Variants in CREB3L1 observed in about 807,000 individuals in gnomAD.
CREB3L1 encodes cAMP responsive element binding protein 3 like 1.
In CREB3L1, 33 loss-of-function variants were observed where a neutral mutation model predicts 54.5. That is an observed-to-expected ratio of 0.61 (90% CI 0.46 to 0.81). The LOEUF (loss-of-function observed/expected upper bound fraction) is 0.81. CREB3L1 is among the 30% of genes least tolerant of loss of function. The pLI is 0.00. For missense variants in CREB3L1, 656 were observed against 673.3 expected (o/e 0.97, Z 0.29); for synonymous variants, 284 against 286.4 (o/e 0.99, Z 0.08).
intron 2 of CREB3L1, among the ~76,000 whole-genome samples, chr11:46,306,831 G>A (rs188934044): frequency 2.0e-3 from 306 of 149,490 alleles, no homozygotes; most frequent in Non-Finnish European, 3.5e-3. Context: ...GAGTGCAGTA[G>A]CACAATCTTG....
At chr11:46,287,307 A>T (rs954725525) in intron 1 of CREB3L1, among the ~76,000 whole-genome samples, 6 of 151,424 alleles carry the variant, frequency 4.0e-5, no homozygotes, top group Non-Finnish European at 5.9e-5. Flanking sequence ...TGGTTTTTAA[A>T]TTTTTTTTTG....
chr11:46,305,747 T>TATA (rs1335069272), intron 2 of CREB3L1, among the ~76,000 whole-genome samples: 14 of 122,206 alleles, frequency 1.1e-4, no homozygotes, highest in African/African-American at 2.8e-4. Context: ...TATATATATA[T>TATA]TTTTTTTTAA....
chr11:46,296,221 G>A (rs1939208741), intron 1 of CREB3L1, among the ~76,000 whole-genome samples: 1 of 152,110 alleles, frequency 6.6e-6, no homozygotes, highest in Non-Finnish European at 1.5e-5. Flanking sequence ...GGTGTGGTTG[G>A]GGGTAGAGGG....
In CREB3L1 at chr11:46,278,322, G is replaced by C; in HGVS notation, c.102+109G>C. On this transcript the variant is annotated intron_variant, in intron 1 of 11. Transcript: ENST00000621158. The surrounding 1 kb of genome is among the most constrained non-coding windows in gnomAD (Gnocchi z 4.2). ...CACATCACTGGGCAGGAGCCGGGGA[G>C]AGGGTTCAGCGCAGGGTCTCCAGGA... is the stretch of plus-strand genomic sequence containing the variant. 1.5e-6 allele frequency: 1 copy of C among 648,710 alleles called. No homozygotes were observed. Among genetic ancestry groups the C allele is most frequent in the South Asian group, 2.0e-5 (1 of 49,214 alleles). 40.2% of individuals were successfully genotyped at this position (648,710 alleles called of 1,614,324 possible).
intron 1 of CREB3L1, among the ~76,000 whole-genome samples, chr11:46,280,191 T>C (rs1448601216): frequency 6.0e-5 from 6 of 99,266 alleles, no homozygotes; most frequent in African/African-American, 2.6e-4. Context: ...TTGTTTTTTG[T>C]TTTTTGTTTT....
intron 8 of CREB3L1, chr11:46,315,185 TC>T: frequency 5.9e-6 from 2 of 337,154 alleles, no homozygotes; most frequent in South Asian, 2.7e-5. Context: ...TCCAGCGGGA[TC>T]CAGCCACTCC....
intron 1 of CREB3L1, among the ~76,000 whole-genome samples, chr11:46,282,963 G>C (rs2136334184): frequency 6.6e-6 from 1 of 152,270 alleles, no homozygotes; most frequent in Middle Eastern, 3.4e-3. Context: ...CAAGGTAGGA[G>C]GATTGCTTGA....
intron 1 of CREB3L1, among the ~76,000 whole-genome samples, chr11:46,281,290 G>T (rs1474663868): frequency 6.6e-6 from 1 of 152,214 alleles, no homozygotes; most frequent in African/African-American, 2.4e-5. Context: ...GTATGAGAGA[G>T]AGGGTCTGGG....
chr11:46,303,559 G>A (rs1030035794), intron 2 of CREB3L1, among the ~76,000 whole-genome samples: 3 of 152,066 alleles, frequency 2.0e-5, no homozygotes, highest in Non-Finnish European at 2.9e-5. Flanking sequence ...CAGGAGAATC[G>A]CTTGAACCCA....
At chr11:46,292,964 G>A (rs940269992) in intron 1 of CREB3L1, among the ~76,000 whole-genome samples, 4 of 152,134 alleles carry the variant, frequency 2.6e-5, no homozygotes, top group African/African-American at 9.7e-5. Flanking sequence ...GCTCTGGAGA[G>A]GGATCAGAGT....
At chr11:46,304,148 G>A (rs1183119678) in intron 2 of CREB3L1, among the ~76,000 whole-genome samples, 2 of 152,180 alleles carry the variant, frequency 1.3e-5, no homozygotes, top group African/African-American at 2.4e-5. Flanking sequence ...GAACAATGGT[G>A]CCTGCCCCCA....
intron 8 of CREB3L1, 61 bp from the exon 9 acceptor site, chr11:46,316,225 C>G (rs1254372394): frequency 1.8e-6 from 2 of 1,101,992 alleles, no homozygotes; most frequent in East Asian, 5.1e-5. Flanking sequence ...TAGGAGAGCT[C>G]CAGGAGGCAG....
At chr11:46,304,925 G>A (rs1027399975) in intron 2 of CREB3L1, among the ~76,000 whole-genome samples, 1 of 152,178 alleles carries the variant, frequency 6.6e-6, no homozygotes, top group African/African-American at 2.4e-5. Context: ...GAGGCCGGTG[G>A]CCAGGCCCTG....
At chr11:46,307,657 C>T (rs574174652) in intron 2 of CREB3L1, among the ~76,000 whole-genome samples, 159 bp from the exon 3 acceptor site, 2 of 152,320 alleles carry the variant, frequency 1.3e-5, no homozygotes, top group African/African-American at 4.8e-5. Flanking sequence ...CTTCTGGCCC[C>T]AGACAACTCC....
At chr11:46,311,278 C>T in intron 5 of CREB3L1, 89 bp downstream of exon 5, 12 of 1,394,928 alleles carry the variant, frequency 8.6e-6, no homozygotes, top group Non-Finnish European at 1.1e-5. Flanking sequence ...GTTTGGGGAG[C>T]CCCGAGACTG....
In CREB3L1 at chr11:46,319,601, G is replaced by T. The variant is rs117572721; in HGVS notation, c.1259-663G>T. Among the ~76,000 whole-genome samples the T allele has an allele frequency of 1.0e-3, 153 of 152,156 alleles. 1 individual carries two copies. The East Asian group carries it at 0.028, about 28-fold the overall frequency. On this transcript the variant is annotated intron_variant, in intron 10 of 11. Transcript: ENST00000621158. ...CAGAAAGTAAGTGGTGGACTGGCCG[G>T]GTGCGGTAACTCACTCCGGTAATCT...
intron 9 of CREB3L1, 134 bp downstream of exon 9, chr11:46,316,519 C>G: frequency 1.6e-6 from 1 of 637,924 alleles, no homozygotes; most frequent in East Asian, 2.8e-5. Context: ...ATCCTGGCGC[C>G]TGGTGGGCTG....
intron 2 of CREB3L1, among the ~76,000 whole-genome samples, chr11:46,305,138 CT>C (rs1222642130): frequency 1.3e-5 from 2 of 152,176 alleles, no homozygotes; most frequent in Admixed American, 6.5e-5. Flanking sequence ...CCCCTCTCCC[CT>C]GTCTTACCCG....
chr11:46,291,596 T>C (rs1412237457), intron 1 of CREB3L1, among the ~76,000 whole-genome samples: 1 of 152,100 alleles, frequency 6.6e-6, no homozygotes, highest in African/African-American at 2.4e-5. Context: ...AGTTCGAAAA[T>C]TGTAATGATT....
Sources: gnomAD v4.1 joint callset for allele counts (sites outside exome capture counted in the v4.1 genomes callset) on GRCh38, gnomAD v4.1.1 for gene constraint, Gnocchi (gnomAD v3.1) non-coding constraint, MANE v1.5 for transcripts, NCBI Gene and HGNC (gene_info 2026-07-23, HGNC 2026-07-21) for gene names.